Variants in CCDC148 observed in about 807,000 individuals in gnomAD.
The protein encoded by CCDC148 is coiled-coil domain containing 148, also known as coiled-coil domain-containing protein 148.
A neutral mutation model predicts 85.7 loss-of-function variants in CCDC148; 89 were observed. The observed-to-expected ratio is 1.04, with a 90% CI of 0.87 to 1.24. CCDC148 has a LOEUF of 1.24. Ranked by LOEUF, CCDC148 falls within the 50% of genes most tolerant of loss-of-function variation. CCDC148 has a pLI of 0.00. For missense variants in CCDC148, 692 were observed against 671.7 expected (o/e 1.03, Z -0.33); for synonymous variants, 230 against 213.9 (o/e 1.08, Z -0.66).
At chr2:158,346,932 ACAAAGT>A (rs143798627) in intron 2 of CCDC148, among the ~76,000 whole-genome samples, 26,746 of 151,976 alleles carry the variant, frequency 0.18, 3,010 homozygotes, top group Middle Eastern at 0.26. Flanking sequence ...TTTAAAAAAT[ACAAAGT>A]CAAAGTCAAA....
intron 3 of CCDC148, among the ~76,000 whole-genome samples, chr2:158,341,345 C>A (rs979400908): frequency 6.8e-5 from 10 of 146,478 alleles, no homozygotes; most frequent in Non-Finnish European, 1.2e-4. Context: ...CTCGCTTGAT[C>A]GCCCAGGCTG....
At chr2:158,421,656 C>T (rs530929312) in intron 1 of CCDC148, among the ~76,000 whole-genome samples, 69 of 152,192 alleles carry the variant, frequency 4.5e-4, no homozygotes, top group African/African-American at 1.6e-3. Context: ...GAAATGGACA[C>T]CCTAACATCA....
chr2:158,367,805 G>T (rs1684267805), intron 1 of CCDC148, among the ~76,000 whole-genome samples: 1 of 152,100 alleles, frequency 6.6e-6, no homozygotes, highest in African/African-American at 2.4e-5. Context: ...ATTTCTACTT[G>T]CCTTTCAAAA....
intron 9 of CCDC148, among the ~76,000 whole-genome samples, chr2:158,297,019 A>G (rs973194535): frequency 9.9e-5 from 15 of 152,210 alleles, no homozygotes; most frequent in Admixed American, 3.9e-4. Context: ...AATGCTCCCA[A>G]CTGCCGTGAC....
At chr2:158,347,286 A>G (rs995813413) in intron 2 of CCDC148, among the ~76,000 whole-genome samples, 4 of 152,150 alleles carry the variant, frequency 2.6e-5, no homozygotes, top group African/African-American at 9.7e-5. Flanking sequence ...TTGAAAAAAA[A>G]TCAATGCTCT....
chr2:158,246,462 AACT>A (rs960124327), intron 10 of CCDC148, among the ~76,000 whole-genome samples: 5 of 152,140 alleles, frequency 3.3e-5, no homozygotes, highest in Admixed American at 2.6e-4. Flanking sequence ...ATGCTGGACA[AACT>A]ATAACACAAC....
intron 13 of CCDC148, among the ~76,000 whole-genome samples, chr2:158,174,404 C>T (rs889600645): frequency 2.0e-5 from 3 of 152,034 alleles, no homozygotes; most frequent in Admixed American, 6.6e-5. Context: ...ACCACCACCA[C>T]TACTTCTATG....
intron 1 of CCDC148, among the ~76,000 whole-genome samples, chr2:158,388,135 A>G (rs1010046306): frequency 1.3e-5 from 2 of 152,216 alleles, no homozygotes; most frequent in Non-Finnish European, 2.9e-5. Context: ...TTATGGCTTA[A>G]CAGTTTTCTA....
At chr2:158,396,288 A>C (rs1685518433) in intron 1 of CCDC148, among the ~76,000 whole-genome samples, 1 of 152,174 alleles carries the variant, frequency 6.6e-6, no homozygotes, top group Non-Finnish European at 1.5e-5. Context: ...TTATTTCTCT[A>C]TGAGAACAAC....
At chr2:158,419,976 ACCT>A (rs1345577083) in intron 1 of CCDC148, 30 of 152,240 alleles carry the variant, frequency 2.0e-4, no homozygotes, top group African/African-American at 7.2e-4. Context: ...TACTGCAGCA[ACCT>A]AGTCTGCATG....
intron 9 of CCDC148, among the ~76,000 whole-genome samples, chr2:158,255,306 G>T (rs541591623): frequency 4.6e-5 from 7 of 151,632 alleles, no homozygotes; most frequent in Admixed American, 4.0e-4. Context: ...GAAAAAAAAA[G>T]GGGGGCGGGT....
chr2:158,212,922 C>G (rs1056241440), intron 11 of CCDC148, among the ~76,000 whole-genome samples: 1 of 152,120 alleles, frequency 6.6e-6, no homozygotes, highest in African/African-American at 2.4e-5. Context: ...GGAATGGTCT[C>G]AAGAACCCAG....
At chr2:158,298,237 T>A (rs1249345679) in intron 9 of CCDC148, among the ~76,000 whole-genome samples, 1 of 152,180 alleles carries the variant, frequency 6.6e-6, no homozygotes, top group Non-Finnish European at 1.5e-5. Flanking sequence ...ATTATGGGAA[T>A]TACAATTCAA....
chr2:158,210,563 T>A (rs2105291472), intron 11 of CCDC148, among the ~76,000 whole-genome samples: 1 of 152,066 alleles, frequency 6.6e-6, no homozygotes, highest in African/African-American at 2.4e-5. Flanking sequence ...GAGCTGGAAG[T>A]AAAACACTCC....
At chr2:158,265,863 C>G (rs1269599395) in intron 9 of CCDC148, among the ~76,000 whole-genome samples, 1 of 152,132 alleles carries the variant, frequency 6.6e-6, no homozygotes, top group Non-Finnish European at 1.5e-5. Context: ...TCACAGATCA[C>G]CCAGTTGGTT....
At chr2:158,392,588 C>A (rs767821450) in intron 1 of CCDC148, among the ~76,000 whole-genome samples, 18 of 150,658 alleles carry the variant, frequency 1.2e-4, no homozygotes, top group African/African-American at 3.9e-4. Context: ...TGGTCCCAAG[C>A]ATTTTGGATA....
At chr2:158,431,164 T>C (rs1316459174) in intron 1 of CCDC148, among the ~76,000 whole-genome samples, 1 of 150,900 alleles carries the variant, frequency 6.6e-6, no homozygotes, top group Non-Finnish European at 1.5e-5. Flanking sequence ...AAAAATAATT[T>C]AAAAAATAAA....
At position 158,385,018 on chromosome 2, in the gene CCDC148, C is replaced by CTTCAGT. The variant is rs1685027228; in HGVS notation, c.26-26449_26-26448insACTGAA. On this transcript the variant is annotated intron_variant, in intron 1 of 13. Transcript: ENST00000283233. ...TTGCAGCTATTGGACTGAAGGTCCC[C>CTTCAGT]CCACTTCCTTGCTCACCATCAGTCA... Among the ~76,000 whole-genome samples the CTTCAGT allele has an allele frequency of 5.3e-5, 8 of 152,264 alleles. No individual in the cohort carries two copies. The South Asian group carries it at 1.5e-3, about 28-fold the overall frequency.
chr2:158,332,161 T>C (rs1292312750), intron 7 of CCDC148, among the ~76,000 whole-genome samples: 2 of 152,110 alleles, frequency 1.3e-5, no homozygotes, highest in African/African-American at 2.4e-5. Context: ...TTCCTTTCCA[T>C]GTTTAGTGTT....
Sources: allele counts gnomAD v4.1 joint callset (sites outside exome capture counted in the v4.1 genomes callset), GRCh38; gene constraint gnomAD v4.1.1; transcripts MANE v1.5; gene names NCBI Gene and HGNC (gene_info 2026-07-23, HGNC 2026-07-21).